FAM184B: variants seen among roughly 807,000 people sequenced by gnomAD.
The protein encoded by FAM184B is protein FAM184B.
In FAM184B, 111 loss-of-function variants were observed where a neutral mutation model predicts 135.9. The ratio of observed to expected loss-of-function variants is 0.82; its 90% CI spans 0.70 to 0.96. The LOEUF is 0.96. Ranked by LOEUF, FAM184B falls within the 40% of genes least tolerant of loss-of-function variation. The pLI is 0.00. For missense variants in FAM184B, 1,375 were observed against 1,323.9 expected, an observed-to-expected ratio of 1.04 and a Z score of -0.60; for synonymous variants, 552 against 524.8, an observed-to-expected ratio of 1.05 and a Z score of -0.71.
chr4:17,765,151 G>A (rs1341827972), intron 1 of FAM184B, among the ~76,000 whole-genome samples: 1 of 152,216 alleles, frequency 6.6e-6, no homozygotes, highest in Admixed American at 6.5e-5. Flanking sequence ...ATGGTGGGAG[G>A]AGAAAGTGTA....
chr4:17,645,708 A>G (rs565890262), intron 12 of FAM184B, among the ~76,000 whole-genome samples: 97 of 152,192 alleles, frequency 6.4e-4, no homozygotes, highest in Middle Eastern at 3.4e-3. Context: ...AATGGCAACA[A>G]AAGCCAAAAT....
At chr4:17,717,901 T>C (rs1717431127) in intron 1 of FAM184B, among the ~76,000 whole-genome samples, 1 of 152,212 alleles carries the variant, frequency 6.6e-6, no homozygotes, top group Admixed American at 6.5e-5. Context: ...GGTGCAAATG[T>C]AATCGTGGTA....
intron 1 of FAM184B, among the ~76,000 whole-genome samples, chr4:17,730,181 T>C (rs1161328845): frequency 2.0e-5 from 3 of 151,774 alleles, no homozygotes; most frequent in African/African-American, 7.3e-5. Context: ...GAAGACGAAA[T>C]GAATGAAATG....
chr4:17,683,615 A>G (rs1012877206), intron 7 of FAM184B, among the ~76,000 whole-genome samples: 10 of 152,214 alleles, frequency 6.6e-5, no homozygotes, highest in African/African-American at 2.2e-4. Flanking sequence ...TCTATAATAG[A>G]GAAATATTAA....
In FAM184B at chr4:17,631,279, T is replaced by C. The variant is rs984513526; in HGVS notation, c.*1253A>G. Reference sequence around the variant, plus strand: ...CTTGCCCAGGCTGGTCTCGAACTCTTGGGCTCATGCTGTCCTACCTCAGAC... The same window carrying C: ...CTTGCCCAGGCTGGTCTCGAACTCTCGGGCTCATGCTGTCCTACCTCAGAC... On this transcript the variant is annotated 3_prime_UTR_variant, in exon 18 of 18. Transcript: ENST00000265018. 9.2e-5 allele frequency: 14 copies of C among 152,242 alleles called. No individual in the cohort carries two copies. The highest frequency in any genetic ancestry group is 1.9e-4 in the Non-Finnish European group (13 of 68,086). The allele number at this position is 152,242 out of a possible 1,614,324, so 9.4% of individuals were successfully genotyped here.
chr4:17,668,715 G>A (rs762104046), intron 7 of FAM184B, among the ~76,000 whole-genome samples: 1 of 151,814 alleles, frequency 6.6e-6, no homozygotes, highest in Non-Finnish European at 1.5e-5. Flanking sequence ...TTATTTTTTT[G>A]AGTAGAGATG....
At chr4:17,695,301 T>G (rs1318842976) in intron 5 of FAM184B, among the ~76,000 whole-genome samples, 1 of 152,090 alleles carries the variant, frequency 6.6e-6, no homozygotes, top group African/African-American at 2.4e-5. Context: ...TAGCTGAGAC[T>G]ACAGGTGCAT....
In FAM184B at chr4:17,781,303, T is replaced by C; in HGVS notation, c.-4A>G. 3 of 1,529,048 alleles carry C rather than the reference T, an allele frequency of 2.0e-6. No homozygotes were observed. The highest frequency in any genetic ancestry group is 2.6e-6 in the Non-Finnish European group (3 of 1,132,304). The allele number at this position is 1,529,048 out of a possible 1,614,324, so 94.7% of individuals were successfully genotyped here. On this transcript the variant is annotated 5_prime_UTR_variant, in exon 1 of 18. Transcript: ENST00000265018. This position sits in a 1 kb window ranked among gnomAD's most constrained non-coding sequence, Gnocchi z 6.5. Reference sequence around the variant, plus strand: ...TGCTGTTGAGAGCAGAAGCCATCGCTAAAACGCGCCCAGCACTCAGACTCT... The same window carrying C: ...TGCTGTTGAGAGCAGAAGCCATCGCCAAAACGCGCCCAGCACTCAGACTCT...
At chr4:17,634,701 T>A (rs1715069832) in intron 16 of FAM184B, among the ~76,000 whole-genome samples, 1 of 152,140 alleles carries the variant, frequency 6.6e-6, no homozygotes, top group Non-Finnish European at 1.5e-5. Flanking sequence ...TTGTGAAAAA[T>A]TCCAAAAATA....
intron 1 of FAM184B, among the ~76,000 whole-genome samples, chr4:17,738,067 C>G (rs1357416153): frequency 1.3e-5 from 2 of 152,166 alleles, no homozygotes; most frequent in Non-Finnish European, 2.9e-5. Context: ...CCCTTGGTCA[C>G]AGGGATGAGC....
Position 17,734,028 on chromosome 4 carries a change from A to G in FAM184B, c.142-24384T>C, listed in dbSNP as rs536502645. Among the ~76,000 whole-genome samples the G allele has an allele frequency of 2.1e-3, 314 of 152,328 alleles. 1 individual carries two copies. Among genetic ancestry groups the G allele is most frequent in the African/African-American group, 7.0e-3 (291 of 41,556 alleles). On this transcript the variant is annotated intron_variant, in intron 1 of 17. Transcript: ENST00000265018. ...ACAGAGCCCTCAGAAATAATGCCACATATCTACAACCATCTGATCTTTGAC... is the reference window on the plus strand; with the variant it reads ...ACAGAGCCCTCAGAAATAATGCCACGTATCTACAACCATCTGATCTTTGAC...
At chr4:17,701,907 G>A (rs1716993294) in intron 5 of FAM184B, among the ~76,000 whole-genome samples, 1 of 152,218 alleles carries the variant, frequency 6.6e-6, no homozygotes, top group African/African-American at 2.4e-5. Context: ...CACTTGAAAT[G>A]TGGCTAGTGC....
chr4:17,712,781 C>A (rs1465475301), intron 1 of FAM184B, among the ~76,000 whole-genome samples: 2 of 151,974 alleles, frequency 1.3e-5, no homozygotes, highest in African/African-American at 4.8e-5. Context: ...AAAAAAAAGT[C>A]AAAAACTAGA....
intron 1 of FAM184B, among the ~76,000 whole-genome samples, chr4:17,740,390 G>A (rs1054364129): frequency 7.2e-6 from 1 of 139,132 alleles, no homozygotes; most frequent in African/African-American, 2.7e-5. Flanking sequence ...GGAGTCATAA[G>A]CAAATGGGTG....
intron 10 of FAM184B, among the ~76,000 whole-genome samples, chr4:17,654,553 A>G (rs971084531): frequency 3.9e-5 from 6 of 152,228 alleles, no homozygotes; most frequent in African/African-American, 1.4e-4. Context: ...ACCTGCCTGC[A>G]GAGAGGTGAT....
rs143593134 is a variant in FAM184B, at chr4:17,742,898, A to C, written c.142-33254T>G. Among the ~76,000 whole-genome samples the C allele has an allele frequency of 9.4e-3, 1,435 of 152,348 alleles. 24 individuals are homozygous for C. The highest frequency in any genetic ancestry group is 0.032 in the African/African-American group (1,316 of 41,588). ...ACAGGGGCTGCCACTCTGACCCTCCACTGAGCTGGTTGGCACTTGACCATC... is the reference window on the plus strand; with the variant it reads ...ACAGGGGCTGCCACTCTGACCCTCCCCTGAGCTGGTTGGCACTTGACCATC... On this transcript the variant is annotated intron_variant, in intron 1 of 17. Transcript: ENST00000265018.
In FAM184B at chr4:17,641,319, G is replaced by T. The variant is rs1715304075; in HGVS notation, c.2519+737C>A. Among the ~76,000 whole-genome samples the T allele has an allele frequency of 2.0e-5, 3 of 152,026 alleles. No homozygotes were observed. In the South Asian group the frequency reaches 6.2e-4, roughly 32 times the overall value. On this transcript the variant is annotated intron_variant, in intron 13 of 17. Coordinates refer to ENST00000265018, the MANE Select transcript of FAM184B (RefSeq NM_015688.2). ...CCCAACCTCACACAGCTAATTAAGA[G>T]CGCACAGCTAGTTAAGAAGACACCG... is the stretch of plus-strand genomic sequence containing the variant.
intron 14 of FAM184B, among the ~76,000 whole-genome samples, chr4:17,636,876 G>A (rs1560163511): frequency 6.6e-6 from 1 of 152,178 alleles, no homozygotes; most frequent in Non-Finnish European, 1.5e-5. Flanking sequence ...GCCCCTGTGT[G>A]CACATAGATG....
chr4:17,652,881 C>A lies in FAM184B; in HGVS notation c.2140G>T (p.Glu714Ter). 6.4e-7 allele frequency: 1 copy of A among 1,551,760 alleles called. No individual in the cohort carries two copies. Residue 714 changes from glutamate to a stop codon, truncating the protein, a stop_gained, in exon 11 of 18, where the codon GAG (glutamate) becomes TAG (stop). Coordinates refer to ENST00000265018, the MANE Select transcript of FAM184B (RefSeq NM_015688.2). LOFTEE classifies it high-confidence loss of function. ...ATCCTCTCACGCTCCTCCTGCAGCT[C>A]TTGCCTGGCCTTTTCCTCCAAGGCC... is the stretch of plus-strand genomic sequence containing the variant. ...LQALEEKARQ[E>*]LQEERERMQA...
Sources: gnomAD v4.1 joint callset for allele counts (sites outside exome capture counted in the v4.1 genomes callset) on GRCh38, gnomAD v4.1.1 for gene constraint, Gnocchi (gnomAD v3.1) non-coding constraint, MANE v1.5 for transcripts, NCBI Gene and HGNC (gene_info 2026-07-23, HGNC 2026-07-21) for gene names.